Variants in RSPO2 observed in about 807,000 individuals in gnomAD.
RSPO2 encodes R-spondin 2.
In RSPO2, 14 loss-of-function variants were observed where a neutral mutation model predicts 30.9. That is an observed-to-expected ratio of 0.45 (90% CI 0.30 to 0.71). The LOEUF (loss-of-function observed/expected upper bound fraction) is 0.71. Among genes scored for constraint, RSPO2 ranks in the 30% least tolerant of loss-of-function variants. The pLI is 0.08. For missense variants in RSPO2, 264 were observed against 301.9 expected (o/e 0.87, Z 0.93); for synonymous variants, 107 against 96.4 (o/e 1.11, Z -0.64).
Position 107,930,273 on chromosome 8 carries a change from C to G in RSPO2, c.616+27807G>C, listed in dbSNP as rs145491456. On this transcript the variant is annotated intron_variant, in intron 5 of 5. Coordinates refer to ENST00000276659, the MANE Select transcript of RSPO2 (RefSeq NM_178565.5). ...GGTACTAAGTAAAGAAGCTTACGAA[C>G]CCCAAAGATTTCACTCTTTAACAAT... Among the ~76,000 whole-genome samples, 26 of 152,316 alleles carry G rather than the reference C, an allele frequency of 1.7e-4. No homozygotes were observed. In the East Asian group the frequency reaches 5.0e-3, roughly 29 times the overall value.
chr8:107,921,190 T>C (rs560577724), intron 5 of RSPO2, among the ~76,000 whole-genome samples: 255 of 152,190 alleles, frequency 1.7e-3, no homozygotes, highest in Middle Eastern at 0.01. Flanking sequence ...GTAGTGACTT[T>C]TTAATGACTA....
intron 2 of RSPO2, among the ~76,000 whole-genome samples, chr8:108,006,803 C>T: frequency 6.6e-6 from 1 of 152,078 alleles, no homozygotes; most frequent in East Asian, 1.9e-4. Context: ...AAATAATTTC[C>T]CTTGCATTCT....
intron 2 of RSPO2, among the ~76,000 whole-genome samples, chr8:108,056,393 C>A (rs62535504): frequency 1.3e-5 from 2 of 151,510 alleles, no homozygotes; most frequent in African/African-American, 2.4e-5. Flanking sequence ...CCAAAGCAGG[C>A]AGATCGCTTG....
At chr8:107,983,458 C>T in intron 3 of RSPO2, 2 of 1,598,596 alleles carry the variant, frequency 1.3e-6, no homozygotes, top group Non-Finnish European at 1.7e-6. Flanking sequence ...CCAGAGTCCC[C>T]TTTCTCAGAA....
intron 5 of RSPO2, among the ~76,000 whole-genome samples, chr8:107,915,646 A>C (rs1317099944): frequency 1.3e-5 from 2 of 152,044 alleles, no homozygotes; most frequent in South Asian, 4.2e-4. Flanking sequence ...GGAACTGCTG[A>C]AAGTCCAGCA....
chr8:107,955,637 T>TA (rs1392874370), intron 5 of RSPO2, among the ~76,000 whole-genome samples: 6 of 108,514 alleles, frequency 5.5e-5, no homozygotes, highest in Admixed American at 2.0e-4. Flanking sequence ...ACACTGTTTT[T>TA]TAAAAAAAAC....
chr8:107,972,688 TA>T (rs1814042645), intron 3 of RSPO2, among the ~76,000 whole-genome samples: 1 of 152,014 alleles, frequency 6.6e-6, no homozygotes, highest in African/African-American at 2.4e-5. Context: ...CAGAAAGTCA[TA>T]AGGTGATCAA....
chr8:107,957,316 G>A lies in RSPO2; in HGVS notation c.616+764C>T, dbSNP rs993454015. On this transcript the variant is annotated intron_variant, in intron 5 of 5. Transcript: ENST00000276659. ...TTGAGCGAATGACATTGTAGCATCCGCTAGTGATAAAATAAATGTAACCCA... is the reference window on the plus strand; with the variant it reads ...TTGAGCGAATGACATTGTAGCATCCACTAGTGATAAAATAAATGTAACCCA... 2.9e-4 allele frequency among the ~76,000 whole-genome samples: 44 copies of A among 152,118 alleles called. 2 individuals are homozygous for A. The highest frequency in any genetic ancestry group is 2.2e-3 in the Admixed American group (34 of 15,264).
rs555008 is a variant in RSPO2 at position 107,899,938 on chromosome 8, C to A, written c.*1137G>T. ...CCTTTTATCTCCTAAAATTCTATGC[C>A]CAGGCTCATGGTAGTAGCTTCTTCA... On this transcript the variant is annotated 3_prime_UTR_variant, in exon 6 of 6. Transcript: ENST00000276659. 104,028 of 152,084 alleles carry A rather than the reference C, an allele frequency of 0.68. 36,958 individuals carry two copies. Among genetic ancestry groups the A allele is most frequent in the East Asian group, 0.91 (4,719 of 5,162 alleles). 9.4% of individuals were successfully genotyped at this position (152,084 alleles called of 1,614,324 possible).
In RSPO2 at chr8:107,980,777, C is replaced by A. The variant is rs186316683; in HGVS notation, c.283+8279G>T. 3.4e-4 allele frequency among the ~76,000 whole-genome samples: 52 copies of A among 152,262 alleles called. 1 individual carries two copies. Among genetic ancestry groups the A allele is most frequent in the African/African-American group, 1.3e-3 (52 of 41,548 alleles). ...AAGGGAAGGATACACCTGAGCCCTG[C>A]AATTTTTCATGACTGTTCTAACCTA... On this transcript the variant is annotated intron_variant, in intron 3 of 5. Coordinates refer to ENST00000276659, the MANE Select transcript of RSPO2 (RefSeq NM_178565.5).
chr8:108,045,913 G>A (rs1185889411), intron 2 of RSPO2, among the ~76,000 whole-genome samples: 1 of 152,138 alleles, frequency 6.6e-6, no homozygotes, highest in Non-Finnish European at 1.5e-5. Context: ...ATAAAACATA[G>A]CTACTTTTTA....
chr8:107,962,742 A>G (rs1813671376), intron 3 of RSPO2, among the ~76,000 whole-genome samples: 1 of 152,146 alleles, frequency 6.6e-6, no homozygotes, highest in South Asian at 2.1e-4. Flanking sequence ...TCCAAGAAAT[A>G]GTAATGAGCA....
chr8:108,008,806 A>C (rs1810595712), intron 2 of RSPO2, among the ~76,000 whole-genome samples: 2 of 151,716 alleles, frequency 1.3e-5, no homozygotes, highest in Admixed American at 1.3e-4. Context: ...AAAAATAAAG[A>C]AAAAGGTAAA....
At chr8:107,999,069 C>A (rs946764854) in intron 2 of RSPO2, among the ~76,000 whole-genome samples, 9 of 152,090 alleles carry the variant, frequency 5.9e-5, no homozygotes, top group African/African-American at 1.7e-4. Flanking sequence ...CCCATATTTT[C>A]TCAGAATCTT....
At chr8:108,006,410 T>C (rs1815453063) in intron 2 of RSPO2, among the ~76,000 whole-genome samples, 1 of 152,112 alleles carries the variant, frequency 6.6e-6, no homozygotes. Flanking sequence ...GCTCACTTAC[T>C]AAGTTATAAT....
intron 2 of RSPO2, among the ~76,000 whole-genome samples, chr8:108,020,320 G>A (rs1016825069): frequency 7.2e-5 from 11 of 151,982 alleles, no homozygotes; most frequent in Non-Finnish European, 1.5e-4. Flanking sequence ...CAACGTACAC[G>A]CCTTTCATGC....
chr8:108,032,499 C>T (rs1381480408), intron 2 of RSPO2, among the ~76,000 whole-genome samples: 1 of 152,228 alleles, frequency 6.6e-6, no homozygotes, highest in Non-Finnish European at 1.5e-5. Context: ...GTCCTAGTCA[C>T]ATACCCTAGA....
chr8:108,082,779 A>G lies in RSPO2; in HGVS notation c.-141T>C. 1 of 616,478 alleles carries G rather than the reference A, an allele frequency of 1.6e-6. No homozygotes were observed. The highest frequency in any genetic ancestry group is 2.8e-6 in the Non-Finnish European group (1 of 351,458). 38.2% of individuals were successfully genotyped at this position (616,478 alleles called of 1,614,324 possible). ...ACCCCCGGGCCGCACCGGTCAGTTC[A>G]GCGCGATCAGCATCTCTCCGCCACG... is the stretch of plus-strand genomic sequence containing the variant. On this transcript the variant is annotated 5_prime_UTR_variant, in exon 2 of 6. Transcript: ENST00000276659.
chr8:107,999,380 T>C (rs1163183501), intron 2 of RSPO2, among the ~76,000 whole-genome samples: 3 of 152,282 alleles, frequency 2.0e-5, no homozygotes, highest in African/African-American at 7.2e-5. Flanking sequence ...TCATTTGGCT[T>C]CTCCTATTAA....
Sources: gnomAD v4.1 joint callset for allele counts (sites outside exome capture counted in the v4.1 genomes callset) on GRCh38, gnomAD v4.1.1 for gene constraint, MANE v1.5 for transcripts, NCBI Gene and HGNC (gene_info 2026-07-23, HGNC 2026-07-21) for gene names.